Variants in PCDH15 observed in about 807,000 individuals in gnomAD.
PCDH15 encodes protocadherin related 15.
In PCDH15, 129 loss-of-function variants were observed where a neutral mutation model predicts 178.5. The ratio of observed to expected loss-of-function variants is 0.72; its 90% CI spans 0.63 to 0.84. PCDH15 has a LOEUF of 0.84. PCDH15 is among the 40% of genes least tolerant of loss of function. The pLI, the probability that PCDH15 is intolerant of heterozygous loss-of-function variation, is 0.00. For missense variants in PCDH15, 2,230 were observed against 2,099.9 expected, an observed-to-expected ratio of 1.06 and a Z score of -1.21; for synonymous variants, 800 against 732.0, an observed-to-expected ratio of 1.09 and a Z score of -1.50.
intron 3 of PCDH15, among the ~76,000 whole-genome samples, chr10:54,419,083 T>A (rs1954860415): frequency 6.6e-6 from 1 of 151,974 alleles, no homozygotes; most frequent in South Asian, 2.1e-4. Flanking sequence ...ATACAACTGA[T>A]AATCTCCCAA....
At chr10:54,093,742 T>C (rs2094643171) in intron 15 of PCDH15, among the ~76,000 whole-genome samples, 1 of 152,184 alleles carries the variant, frequency 6.6e-6, no homozygotes, top group Non-Finnish European at 1.5e-5. Context: ...AAATAGAAAA[T>C]GCATATGACT....
At chr10:54,303,470 A>G (rs2060271597) in intron 8 of PCDH15, among the ~76,000 whole-genome samples, 1 of 152,006 alleles carries the variant, frequency 6.6e-6, no homozygotes, top group African/African-American at 2.4e-5. Flanking sequence ...TTCTCTGCAG[A>G]TGTTAGTATG....
At chr10:55,344,172 A>G (rs544521256) in intron 2 of PCDH15, among the ~76,000 whole-genome samples, 124 of 152,280 alleles carry the variant, frequency 8.1e-4, no homozygotes, top group African/African-American at 2.6e-3. Context: ...TATTCAAGGA[A>G]TATTAAGAAG....
intron 1 of PCDH15, among the ~76,000 whole-genome samples, chr10:55,265,996 C>A (rs1389555283): frequency 6.6e-6 from 1 of 152,086 alleles, no homozygotes; most frequent in Admixed American, 6.5e-5. Context: ...CTATTAACTG[C>A]TAAAGATACG....
At chr10:54,511,360 C>T (rs2081637038) in intron 3 of PCDH15, among the ~76,000 whole-genome samples, 2 of 152,024 alleles carry the variant, frequency 1.3e-5, no homozygotes, top group Admixed American at 1.3e-4. Context: ...TCAGTTTGCC[C>T]TCACTCTCCT....
intron 13 of PCDH15, among the ~76,000 whole-genome samples, chr10:54,173,923 T>G (rs1206560684): frequency 6.6e-6 from 1 of 152,134 alleles, no homozygotes; most frequent in Non-Finnish European, 1.5e-5. Context: ...GGCATTTAAA[T>G]TAAGACCTAA....
intron 6 of PCDH15, among the ~76,000 whole-genome samples, chr10:54,345,295 T>A (rs765856947): frequency 3.3e-5 from 5 of 152,136 alleles, no homozygotes; most frequent in Non-Finnish European, 7.3e-5. Context: ...AGTTTTTTGT[T>A]TGTTTGTTTT....
intron 2 of PCDH15, among the ~76,000 whole-genome samples, chr10:55,328,795 G>A: frequency 6.6e-6 from 1 of 150,396 alleles, no homozygotes; most frequent in Admixed American, 6.7e-5. Context: ...AAGCATATAG[G>A]GGGATGTGCA....
At chr10:53,818,116 T>G in intron 33 of PCDH15, 103 bp from the exon 34 acceptor site, 1 of 394,672 alleles carries the variant, frequency 2.5e-6, no homozygotes. Flanking sequence ...TGAGTAAAAC[T>G]GAGAAGACAA....
At chr10:55,533,338 C>T (rs1011155838) in intron 2 of PCDH15, among the ~76,000 whole-genome samples, 2 of 152,048 alleles carry the variant, frequency 1.3e-5, no homozygotes, top group African/African-American at 4.8e-5. Context: ...ACTCTAAAGA[C>T]TTCACCAAGG....
chr10:54,650,776 A>G (rs546663972), intron 2 of PCDH15, among the ~76,000 whole-genome samples: 2 of 152,070 alleles, frequency 1.3e-5, no homozygotes, highest in Non-Finnish European at 2.9e-5. Flanking sequence ...AAACCATCAG[A>G]TCTCATGAGA....
chr10:55,131,213 C>A (rs1838033480), intron 2 of PCDH15, among the ~76,000 whole-genome samples: 1 of 152,192 alleles, frequency 6.6e-6, no homozygotes, highest in Non-Finnish European at 1.5e-5. Flanking sequence ...TTCCCCACTA[C>A]CCCTCAAAAC....
chr10:53,890,299 T>C (rs751847190), intron 26 of PCDH15, among the ~76,000 whole-genome samples: 1 of 152,056 alleles, frequency 6.6e-6, no homozygotes, highest in Non-Finnish European at 1.5e-5. Flanking sequence ...TGGTGGCACA[T>C]GCCTGTAGTC....
chr10:54,357,113 C>T (rs1002591349), intron 5 of PCDH15, among the ~76,000 whole-genome samples: 3 of 152,086 alleles, frequency 2.0e-5, no homozygotes, highest in Non-Finnish European at 4.4e-5. Flanking sequence ...GACAGGGATG[C>T]CCTCTCTCAC....
intron 2 of PCDH15, among the ~76,000 whole-genome samples, chr10:55,467,966 CAAAAA>C (rs71463104): frequency 1.1e-3 from 42 of 36,636 alleles, no homozygotes; most frequent in Middle Eastern, 0.03. Flanking sequence ...GACTCCGTCT[CAAAAA>C]AAAAAAAAAA....
chr10:53,966,658 T>C (rs2089052587), intron 21 of PCDH15, among the ~76,000 whole-genome samples: 1 of 152,006 alleles, frequency 6.6e-6, no homozygotes, highest in South Asian at 2.1e-4. Flanking sequence ...AAACCCAGAA[T>C]TTCAAGTACT....
At chr10:54,367,492 G>A (rs1382666877) in intron 5 of PCDH15, among the ~76,000 whole-genome samples, 1 of 151,956 alleles carries the variant, frequency 6.6e-6, no homozygotes, top group Non-Finnish European at 1.5e-5. Flanking sequence ...TATGAAGAGG[G>A]ATCCAGGGGC....
chr10:54,996,415 T>C (rs1339919555), intron 2 of PCDH15, among the ~76,000 whole-genome samples: 2 of 152,160 alleles, frequency 1.3e-5, no homozygotes, highest in Non-Finnish European at 2.9e-5. Flanking sequence ...GAAAACACCC[T>C]GGCTGTTTCA....
At chr10:55,113,339 A>G (rs974403056) in intron 2 of PCDH15, among the ~76,000 whole-genome samples, 40 of 152,034 alleles carry the variant, frequency 2.6e-4, no homozygotes, top group African/African-American at 9.6e-4. Context: ...TAGTTATCAT[A>G]TCTCCTTGGG....
Sources: allele counts gnomAD v4.1 joint callset (sites outside exome capture counted in the v4.1 genomes callset), GRCh38; gene constraint gnomAD v4.1.1; transcripts MANE v1.5; gene names NCBI Gene and HGNC (gene_info 2026-07-23, HGNC 2026-07-21).